The following GATA6 variants were observed in gnomAD, a reference collection of about 807,000 sequenced individuals.
GATA6 encodes transcription factor GATA-6.
Under a neutral mutation model 48.1 loss-of-function variants are expected in GATA6, and 11 were observed. That is an observed-to-expected ratio of 0.23 (90% CI 0.14 to 0.38). The LOEUF (loss-of-function observed/expected upper bound fraction) is 0.38. GATA6 is among the 10% of genes least tolerant of loss of function. The pLI is 1.00. For missense variants in GATA6, 795 were observed against 850.3 expected, an observed-to-expected ratio of 0.93 and a Z score of 0.81; for synonymous variants, 419 against 396.1, an observed-to-expected ratio of 1.06 and a Z score of -0.69.
intron 6 of GATA6, among the ~76,000 whole-genome samples, chr18:22,190,893 G>A (rs1037887464): frequency 4.6e-5 from 7 of 152,174 alleles, no homozygotes; most frequent in Non-Finnish European, 8.8e-5. Context: ...AATAACTCAC[G>A]TTCTTGTCTG....
Position 22,170,732 on chromosome 18 carries a change from G to A in GATA6, c.-37-376G>A, listed in dbSNP as rs2033022443. 6.6e-6 allele frequency among the ~76,000 whole-genome samples: 1 copy of A among 152,104 alleles called. No individual in the cohort carries two copies. Among genetic ancestry groups the A allele is most frequent in the Non-Finnish European group, 1.5e-5 (1 of 68,032 alleles). ...TCTTTTGTGTGTCATCAGCCCGGGG[G>A]AGACACTTTAGGGCGGAAGGAAAGC... On this transcript the variant is annotated intron_variant, in intron 1 of 6. Transcript: ENST00000269216. This position sits in a 1 kb window ranked among gnomAD's most constrained non-coding sequence, Gnocchi z 6.7.
rs16964572 is a variant in GATA6, at chr18:22,185,778, T to C, written c.1620+2735T>C. Among the ~76,000 whole-genome samples, 26,519 of 152,190 alleles carry C rather than the reference T, an allele frequency of 0.17. 6,630 individuals are homozygous for C. Among genetic ancestry groups the C allele is most frequent in the African/African-American group, 0.55 (22,944 of 41,484 alleles). On this transcript the variant is annotated intron_variant, in intron 6 of 6. Transcript: ENST00000269216. This position sits in a 1 kb window ranked among gnomAD's most constrained non-coding sequence, Gnocchi z 4.3. ...CCCCAGGTTGTTTTCATGGCGTGCCTGCGTATAACTGTGGATCCCTTCGCA... is the reference window on the plus strand; with the variant it reads ...CCCCAGGTTGTTTTCATGGCGTGCCCGCGTATAACTGTGGATCCCTTCGCA...
At position 22,171,858 on chromosome 18, in the gene GATA6, A is replaced by C. The variant is rs1000227951; in HGVS notation, c.714A>C (p.Gly238=). The C allele has an allele frequency of 3.5e-4, 418 of 1,181,740 alleles. 1 individual carries two copies. The highest frequency in any genetic ancestry group is 4.2e-4 in the Non-Finnish European group (406 of 957,018). The allele number at this position is 1,181,740 out of a possible 1,614,324, so 73.2% of individuals were successfully genotyped here. A position where few individuals can be genotyped will look rare whatever the true frequency, so the allele number is the denominator to read the frequency against. Residue 238 remains glycine, a synonymous_variant, in exon 2 of 7, where the codon GGA becomes GGC. Transcript: ENST00000269216. This position sits in a 1 kb window ranked among gnomAD's most constrained non-coding sequence, Gnocchi z 7.1. ...CCGACAGCCCTCCATACGGCAGCGGAGGCGGCGCGGCTGGCGGCGGGGCCG... is the reference window on the plus strand; with the variant it reads ...CCGACAGCCCTCCATACGGCAGCGGCGGCGGCGCGGCTGGCGGCGGGGCCG... ...ASADSPPYGS[G]GGAAGGGAAG...
intron 6 of GATA6, 95 bp from the exon 7 acceptor site, chr18:22,200,559 GCA>G: frequency 6.7e-7 from 1 of 1,488,098 alleles, no homozygotes; most frequent in Non-Finnish European, 9.4e-7. Flanking sequence ...GGCCCTGGCT[GCA>G]CAGACCCGTT....
At chr18:22,192,503 A>G (rs73962499) in intron 6 of GATA6, among the ~76,000 whole-genome samples, 1 of 152,140 alleles carries the variant, frequency 6.6e-6, no homozygotes, top group Non-Finnish European at 1.5e-5. Context: ...CTGATAGCAA[A>G]TTTTTTATTC....
chr18:22,181,000 T>C (rs2033188152), intron 3 of GATA6, among the ~76,000 whole-genome samples: 1 of 152,186 alleles, frequency 6.6e-6, no homozygotes, highest in Non-Finnish European at 1.5e-5. Context: ...CTTGTGTTGT[T>C]ACTTCTGGTG....
chr18:22,177,944 G>GTTTTGTTT (rs2033144360), intron 3 of GATA6, among the ~76,000 whole-genome samples: 1 of 77,886 alleles, frequency 1.3e-5, no homozygotes, highest in African/African-American at 6.3e-5. Context: ...ACGTTTTACT[G>GTTTTGTTT]TTTTTTTGTT....
At chr18:22,190,534 C>T (rs2033313827) in intron 6 of GATA6, among the ~76,000 whole-genome samples, 1 of 151,914 alleles carries the variant, frequency 6.6e-6, no homozygotes, top group Non-Finnish European at 1.5e-5. Context: ...GTCCAAAACA[C>T]TCTTTTCTAA....
At position 22,184,337 on chromosome 18, in the gene GATA6, GTT is replaced by G. The variant is rs1205844565; in HGVS notation, c.1620+1304_1620+1305del. Reference sequence around the variant, plus strand: ...TCACAAGGGAAGAAGCCTTTTAGTTGTTTTTTTTTTTGCAGACTCATGGTAAA... The same window carrying G: ...TCACAAGGGAAGAAGCCTTTTAGTTGTTTTTTTTTGCAGACTCATGGTAAA... On this transcript the variant is annotated intron_variant, in intron 6 of 6. Transcript: ENST00000269216. Among the ~76,000 whole-genome samples the G allele has an allele frequency of 4.9e-5, 7 of 141,800 alleles. No individual in the cohort carries two copies. In the East Asian group the frequency reaches 1.4e-3, roughly 29 times the overall value. The allele number at this position is 141,800 out of a possible 152,430, so 93.0% of individuals were successfully genotyped here. A position where few individuals can be genotyped will look rare whatever the true frequency, so the allele number is the denominator to read the frequency against.
intron 2 of GATA6, among the ~76,000 whole-genome samples, chr18:22,174,356 A>G (rs1419517331): frequency 6.6e-6 from 1 of 152,044 alleles, no homozygotes; most frequent in Non-Finnish European, 1.5e-5. Flanking sequence ...GTTTACAGTA[A>G]CTGGTCCTGT....
intron 3 of GATA6, among the ~76,000 whole-genome samples, chr18:22,180,988 T>C (rs1424206692): frequency 3.9e-5 from 6 of 152,190 alleles, no homozygotes; most frequent in Non-Finnish European, 8.8e-5. Context: ...TGTTAATGTC[T>C]ACTTGTGTTG....
chr18:22,169,772 C>G (rs1380952976), intron 1 of GATA6, 90 bp downstream of exon 1: 1 of 152,334 alleles, frequency 6.6e-6, no homozygotes, highest in East Asian at 1.9e-4. Context: ...CTCTCCGGCC[C>G]TCTCCAGGCC....
rs776000244 is a variant in GATA6, at chr18:22,171,188, G to A, written c.44G>A (p.Gly15Glu). 1.3e-6 allele frequency: 2 copies of A among 1,599,776 alleles called. No homozygotes were observed. The highest frequency in any genetic ancestry group is 1.7e-6 in the Non-Finnish European group (2 of 1,179,464). The change falls in exon 2 of 7, where the codon GGG (glycine) becomes GAG (glutamate). Residue 15 changes from glycine (G) to glutamate (E), a missense_variant. Gly to Glu is a moderately conservative substitution (Grantham distance 98, BLOSUM62 -2). Around this residue, in one of 5 missense-constraint regions of GATA6, gnomAD observed 591 missense variants for 570.0 expected, o/e 1.04. Coordinates refer to ENST00000269216, the MANE Select transcript of GATA6 (RefSeq NM_005257.6). This position sits in a 1 kb window ranked among gnomAD's most constrained non-coding sequence, Gnocchi z 7.1. ...DGGWCLPKRF[G>E]AAGADASDSR... ...GGCTGGTGCTTGCCGAAGCGCTTCG[G>A]GGCCGCGGGTGCGGACGCCAGCGAC...
rs1187629351 is a variant in GATA6 at position 22,176,908 on chromosome 18, G to C, written c.1136-47G>C. ...TCCCCGGGGTGACGCGGGGAGGGAC[G>C]GGTCCGGCGCGCCCACTCCCGCCCT... On this transcript the variant is annotated intron_variant, in intron 2 of 6. Coordinates refer to ENST00000269216, the MANE Select transcript of GATA6 (RefSeq NM_005257.6). 4.0e-6 allele frequency: 6 copies of C among 1,513,444 alleles called. No individual in the cohort carries two copies. In the African/African-American group the frequency reaches 8.5e-5, roughly 22 times the overall value. The allele number at this position is 1,513,444 out of a possible 1,614,324, so 93.8% of individuals were successfully genotyped here.
chr18:22,200,615 T>G, intron 6 of GATA6, 41 bp from the exon 7 acceptor site: 1 of 1,613,698 alleles, frequency 6.2e-7, no homozygotes, highest in African/African-American at 1.3e-5. Flanking sequence ...TAACCGCTTC[T>G]CACCTTCTCG....
intron 6 of GATA6, among the ~76,000 whole-genome samples, chr18:22,200,176 AGTGTGTGT>A (rs59255780): frequency 0.032 from 4,764 of 150,448 alleles, 168 homozygotes; most frequent in African/African-American, 0.097. Flanking sequence ...GCCTTGTTAG[AGTGTGTGT>A]GTGTGTGTGT....
rs1341507634 is a variant in GATA6, at chr18:22,172,585, A to G, written c.1135+306A>G. Reference sequence around the variant, plus strand: ...AGGGCCTTGATGAGTAGTGAATGGCATCTGCTATTGGGGAAAAACGAGGCT... The same window carrying G: ...AGGGCCTTGATGAGTAGTGAATGGCGTCTGCTATTGGGGAAAAACGAGGCT... On this transcript the variant is annotated intron_variant, in intron 2 of 6. Transcript: ENST00000269216. This position sits in a 1 kb window ranked among gnomAD's most constrained non-coding sequence, Gnocchi z 5.2. 1.3e-5 allele frequency among the ~76,000 whole-genome samples: 2 copies of G among 152,160 alleles called. No individual in the cohort carries two copies.
Position 22,171,571 on chromosome 18 carries a change from C to T in GATA6, c.427C>T (p.Gln143Ter), listed in dbSNP as rs1158798862. Residue 143 changes from glutamine to a stop codon, truncating the protein, a stop_gained, in exon 2 of 7, where the codon CAG becomes TAG. Coordinates refer to ENST00000269216, the MANE Select transcript of GATA6 (RefSeq NM_005257.6). LOFTEE classifies it high-confidence loss of function. This position sits in a 1 kb window ranked among gnomAD's most constrained non-coding sequence, Gnocchi z 7.1. ...GAKLSPFAPE[Q>*]PEEMYQTLAA... ...CAAGCTGAGCCCCTTCGCACCCGAG[C>T]AGCCGGAGGAGATGTACCAGACCCT... 6.2e-7 allele frequency: 1 copy of T among 1,603,014 alleles called. No homozygotes were observed. Among genetic ancestry groups the T allele is most frequent in the African/African-American group, 1.3e-5 (1 of 74,826 alleles).
Position 22,171,205 on chromosome 18 carries a change from G to A in GATA6, c.61G>A (p.Ala21Thr). The change falls in exon 2 of 7, where the codon GCC becomes ACC. Residue 21 changes from alanine (A) to threonine (T), a missense_variant. Coordinates refer to ENST00000269216, the MANE Select transcript of GATA6 (RefSeq NM_005257.6). This position sits in a 1 kb window ranked among gnomAD's most constrained non-coding sequence, Gnocchi z 7.1. ...GCGCTTCGGGGCCGCGGGTGCGGACGCCAGCGACTCCAGAGCCTTTCCAGC... is the reference window on the plus strand; with the variant it reads ...GCGCTTCGGGGCCGCGGGTGCGGACACCAGCGACTCCAGAGCCTTTCCAGC... ...PKRFGAAGAD[A>T]SDSRAFPARE... 1 of 1,599,474 alleles carries A rather than the reference G, an allele frequency of 6.3e-7. No individual in the cohort carries two copies. The highest frequency in any genetic ancestry group is 2.2e-5 in the East Asian group (1 of 44,746).
Sources: gnomAD v4.1 joint callset for allele counts (sites outside exome capture counted in the v4.1 genomes callset) on GRCh38, gnomAD v4.1.1 for gene constraint, gnomAD v4.1.1 regional missense constraint, Gnocchi (gnomAD v3.1) non-coding constraint, MANE v1.5 for transcripts, NCBI Gene and HGNC (gene_info 2026-07-23, HGNC 2026-07-21) for gene names.